Variants in ROR1 observed in about 807,000 individuals in gnomAD.
The protein encoded by ROR1 is inactive tyrosine-protein kinase transmembrane receptor ROR1.
In ROR1, 19 loss-of-function variants were observed where a neutral mutation model predicts 78.8. The observed-to-expected ratio is 0.24, with a 90% confidence interval of 0.17 to 0.35. The LOEUF (loss-of-function observed/expected upper bound fraction) is 0.35, where lower values mean the gene tolerates loss of function less well. ROR1 is among the 10% of genes least tolerant of loss of function. ROR1 has a pLI of 1.00. For synonymous variants in ROR1, 386 were observed against 433.6 expected, an observed-to-expected ratio of 0.89 and a Z score of 1.36; for missense variants, 917 against 1,177.8, an observed-to-expected ratio of 0.78 and a Z score of 3.24.
At chr1:64,128,209 C>T (rs1474114418) in intron 4 of ROR1, among the ~76,000 whole-genome samples, 2 of 143,820 alleles carry the variant, frequency 1.4e-5, no homozygotes, top group Non-Finnish European at 3.0e-5. Flanking sequence ...AATCTCAGCA[C>T]TTAGGGAGAT....
chr1:64,142,667 G>T lies in ROR1; in HGVS notation c.1174+17G>T. On this transcript the variant is annotated intron_variant, in intron 7 of 8. Coordinates refer to ENST00000371079, the MANE Select transcript of ROR1 (RefSeq NM_005012.4). ...CAGCGTGCGGTAAATAGAAGTCATT[G>T]CCCCTAATGTATTCAATCATCTTTA... 1 of 1,613,170 alleles carries T rather than the reference G, an allele frequency of 6.2e-7. No individual in the cohort carries two copies. The highest frequency in any genetic ancestry group is 8.5e-7 in the Non-Finnish European group (1 of 1,179,402).
chr1:63,820,738 G>T (rs994514865), intron 1 of ROR1, among the ~76,000 whole-genome samples: 1 of 152,198 alleles, frequency 6.6e-6, no homozygotes, highest in Admixed American at 6.5e-5. Flanking sequence ...TGGTTGTGTA[G>T]TGATAGTGTT....
intron 8 of ROR1, among the ~76,000 whole-genome samples, chr1:64,176,745 C>T (rs552787997): frequency 3.3e-5 from 5 of 152,274 alleles, no homozygotes; most frequent in Admixed American, 2.0e-4. Context: ...TGGAGAAGAC[C>T]GCATTTCAGA....
intron 4 of ROR1, among the ~76,000 whole-genome samples, chr1:64,082,588 C>T (rs570524518): frequency 6.8e-4 from 103 of 152,300 alleles, no homozygotes; most frequent in African/African-American, 2.4e-3. Context: ...CCTTGGGGAT[C>T]GGCCATACCA....
At chr1:64,132,230 C>T (rs143744795) in intron 4 of ROR1, among the ~76,000 whole-genome samples, 61 of 152,248 alleles carry the variant, frequency 4.0e-4, no homozygotes, top group African/African-American at 1.5e-3. Flanking sequence ...GTTTCAGTAC[C>T]TCATTCATTT....
chr1:63,784,641 T>A (rs959394270), intron 1 of ROR1, among the ~76,000 whole-genome samples: 6 of 152,192 alleles, frequency 3.9e-5, no homozygotes, highest in Non-Finnish European at 8.8e-5. Flanking sequence ...TGGCATCAGA[T>A]GGACTAGGCT....
chr1:63,775,124 A>G (rs1285152946), intron 1 of ROR1, among the ~76,000 whole-genome samples: 1 of 152,036 alleles, frequency 6.6e-6, no homozygotes, highest in African/African-American at 2.4e-5. Context: ...ACTTTGTGCA[A>G]AATGTGCTGT....
intron 4 of ROR1, among the ~76,000 whole-genome samples, chr1:64,122,208 G>T (rs1648564990): frequency 6.6e-6 from 1 of 152,178 alleles, no homozygotes; most frequent in South Asian, 2.1e-4. Context: ...AATTTACACT[G>T]TATCCTAAAA....
intron 2 of ROR1, among the ~76,000 whole-genome samples, chr1:64,032,387 C>T (rs1165538624): frequency 6.6e-6 from 1 of 150,834 alleles, no homozygotes; most frequent in Non-Finnish European, 1.5e-5. Flanking sequence ...ATATGTTGTT[C>T]CTGCATGGAG....
At chr1:63,857,832 CTG>C (rs1160786130) in intron 1 of ROR1, among the ~76,000 whole-genome samples, 1 of 152,184 alleles carries the variant, frequency 6.6e-6, no homozygotes, top group Non-Finnish European at 1.5e-5. Context: ...AAAGGTGACT[CTG>C]GAGCCCCACC....
chr1:64,133,359 G>T (rs760857804), intron 4 of ROR1, among the ~76,000 whole-genome samples: 2 of 152,212 alleles, frequency 1.3e-5, no homozygotes, highest in African/African-American at 2.4e-5. Flanking sequence ...AGTCTCTGCA[G>T]AACAGCATTT....
At chr1:64,163,621 A>G (rs552038037) in intron 8 of ROR1, among the ~76,000 whole-genome samples, 4 of 152,130 alleles carry the variant, frequency 2.6e-5, no homozygotes, top group Admixed American at 1.3e-4. Context: ...TTACTTCTCA[A>G]TTTACCCTCA....
chr1:63,956,795 C>T (rs1645986222), intron 1 of ROR1, among the ~76,000 whole-genome samples: 1 of 152,178 alleles, frequency 6.6e-6, no homozygotes, highest in Admixed American at 6.5e-5. Context: ...TAAGTCTTCT[C>T]CCACTTTTCC....
intron 7 of ROR1, among the ~76,000 whole-genome samples, chr1:64,151,582 A>G (rs1477847814): frequency 1.3e-5 from 2 of 152,090 alleles, no homozygotes; most frequent in Non-Finnish European, 2.9e-5. Flanking sequence ...TTGTTTCAAG[A>G]AAGAAATGGG....
intron 4 of ROR1, among the ~76,000 whole-genome samples, chr1:64,107,580 G>C (rs879311342): frequency 6.8e-6 from 1 of 147,416 alleles, no homozygotes; most frequent in Non-Finnish European, 1.5e-5. Context: ...GGAACTAGGG[G>C]TCTTTTTTTT....
chr1:63,897,597 T>G (rs855826), intron 1 of ROR1, among the ~76,000 whole-genome samples: 129,622 of 152,160 alleles, frequency 0.85, 56,225 homozygotes, highest in East Asian at 1. Context: ...ATGTCTTCCA[T>G]AAATATTTTT....
At chr1:63,966,953 T>A (rs575215917) in intron 1 of ROR1, among the ~76,000 whole-genome samples, 14 of 152,234 alleles carry the variant, frequency 9.2e-5, no homozygotes, top group African/African-American at 3.1e-4. Flanking sequence ...GCTTATATGC[T>A]TGCATTCTAC....
Position 64,082,430 on chromosome 1 carries a change from A to C in ROR1, c.482+31714A>C, listed in dbSNP as rs116875414. ...TATGGAAGAATGCTGATATCAAGGAAAGCAATGGGATAGTTGAAAGAGATG... is the reference window on the plus strand; with the variant it reads ...TATGGAAGAATGCTGATATCAAGGACAGCAATGGGATAGTTGAAAGAGATG... On this transcript the variant is annotated intron_variant, in intron 4 of 8. Coordinates refer to ENST00000371079, the MANE Select transcript of ROR1 (RefSeq NM_005012.4). 6.5e-4 allele frequency among the ~76,000 whole-genome samples: 99 copies of C among 152,338 alleles called. No homozygotes were observed. The East Asian group carries it at 0.018, about 27-fold the overall frequency.
At chr1:63,909,148 C>T (rs908904216) in intron 1 of ROR1, among the ~76,000 whole-genome samples, 1 of 152,156 alleles carries the variant, frequency 6.6e-6, no homozygotes, top group African/African-American at 2.4e-5. Flanking sequence ...CTCACCTCCT[C>T]CTGCCCCCTG....
Sources: gnomAD v4.1 joint callset for allele counts (sites outside exome capture counted in the v4.1 genomes callset) on GRCh38, gnomAD v4.1.1 for gene constraint, MANE v1.5 for transcripts, NCBI Gene and HGNC (gene_info 2026-07-23, HGNC 2026-07-21) for gene names.